ANKRD55: variants seen among roughly 807,000 people sequenced by gnomAD.
The protein encoded by ANKRD55 is ankyrin repeat domain 55, also known as ankyrin repeat domain-containing protein 55.
A neutral mutation model predicts 60.6 loss-of-function variants in ANKRD55; 41 were observed. That is an observed-to-expected ratio of 0.68 (90% confidence interval 0.53 to 0.88). ANKRD55 has a LOEUF of 0.88. Among genes scored for constraint, ANKRD55 ranks in the 40% least tolerant of loss-of-function variants. The pLI is 0.00. For synonymous variants in ANKRD55, 264 were observed against 290.3 expected, an observed-to-expected ratio of 0.91 and a Z score of 0.92; for missense variants, 732 against 767.6, an observed-to-expected ratio of 0.95 and a Z score of 0.55.
At chr5:56,127,272 C>T in intron 7 of ANKRD55, 166 bp from the exon 8 acceptor site, 1 of 972,400 alleles carries the variant, frequency 1.0e-6, no homozygotes, top group Non-Finnish European at 1.2e-6. Flanking sequence ...TACACTCTAT[C>T]TAAGCTCTCC....
intron 4 of ANKRD55, among the ~76,000 whole-genome samples, chr5:56,175,487 A>C (rs1392388339): frequency 6.6e-6 from 1 of 152,174 alleles, no homozygotes; most frequent in African/African-American, 2.4e-5. Context: ...GGATTGCAGG[A>C]AGAGTTTGAG....
At chr5:56,184,533 C>T (rs1758924988) in intron 2 of ANKRD55, among the ~76,000 whole-genome samples, 2 of 152,212 alleles carry the variant, frequency 1.3e-5, no homozygotes. Context: ...GAACTGTAGG[C>T]AACTCCTTTG....
chr5:56,145,398 T>C (rs1051073567), intron 6 of ANKRD55, among the ~76,000 whole-genome samples: 2 of 152,220 alleles, frequency 1.3e-5, no homozygotes, highest in African/African-American at 4.8e-5. Flanking sequence ...CTTCTTTTTT[T>C]CCTCATATAT....
chr5:56,158,964 G>A (rs945388799), intron 6 of ANKRD55, among the ~76,000 whole-genome samples: 11 of 152,150 alleles, frequency 7.2e-5, no homozygotes, highest in Non-Finnish European at 1.5e-5. Context: ...AGAGCACTGG[G>A]ATTACAGGCA....
At chr5:56,155,546 G>A (rs1400838756) in intron 6 of ANKRD55, among the ~76,000 whole-genome samples, 3 of 152,110 alleles carry the variant, frequency 2.0e-5, no homozygotes, top group Admixed American at 1.3e-4. Context: ...ATAACAACTC[G>A]GTCTCAGTTT....
intron 6 of ANKRD55, among the ~76,000 whole-genome samples, chr5:56,158,248 C>T (rs1183642670): frequency 2.6e-5 from 4 of 152,104 alleles, no homozygotes; most frequent in Non-Finnish European, 4.4e-5. Context: ...CTTACCCCCG[C>T]CCCCTTGCCT....
intron 2 of ANKRD55, 125 bp downstream of exon 2, chr5:56,232,731 C>T: frequency 1.1e-6 from 1 of 873,240 alleles, no homozygotes; most frequent in East Asian, 2.7e-5. Flanking sequence ...TACTCATGCA[C>T]ACCCACGCAC....
chr5:56,207,893 C>G (rs186226058), intron 2 of ANKRD55, among the ~76,000 whole-genome samples: 46 of 152,258 alleles, frequency 3.0e-4, no homozygotes, highest in African/African-American at 1.1e-3. Flanking sequence ...TTAATCTTAG[C>G]TTACTATAAC....
Position 56,222,181 on chromosome 5 carries a change from G to A in ANKRD55, c.58+10675C>T, listed in dbSNP as rs188108832. On this transcript the variant is annotated intron_variant, in intron 2 of 11. Coordinates refer to ENST00000341048, the MANE Select transcript of ANKRD55 (RefSeq NM_024669.3). ...GAAGGATCAGGAAGCAACATTCGCC[G>A]TTCTGCAATATTTGTGGTTCTGCAG... 1.1e-3 allele frequency among the ~76,000 whole-genome samples: 170 copies of A among 152,310 alleles called. 3 individuals are homozygous for A. In the Middle Eastern group the frequency reaches 0.027, roughly 24 times the overall value.
intron 10 of ANKRD55, among the ~76,000 whole-genome samples, chr5:56,106,803 C>T (rs1374742498): frequency 2.6e-5 from 4 of 151,826 alleles, no homozygotes; most frequent in Non-Finnish European, 5.9e-5. Context: ...GCCAGGGGTT[C>T]TAGACTAGTC....
chr5:56,233,050 C>T, intron 1 of ANKRD55, 104 bp from the exon 2 acceptor site: 1 of 754,080 alleles, frequency 1.3e-6, no homozygotes, highest in South Asian at 1.6e-5. Flanking sequence ...TGCATCAGAG[C>T]TGCAGGTTGT....
chr5:56,204,574 G>A (rs1759457761), intron 2 of ANKRD55, among the ~76,000 whole-genome samples: 1 of 152,134 alleles, frequency 6.6e-6, no homozygotes. Context: ...GCTGCCATGT[G>A]AAGAAGGATG....
chr5:56,224,242 G>A (rs1249591986), intron 2 of ANKRD55, among the ~76,000 whole-genome samples: 2 of 151,520 alleles, frequency 1.3e-5, no homozygotes, highest in East Asian at 3.9e-4. Context: ...TGACTACTGG[G>A]TACATAATGA....
chr5:56,140,113 T>C (rs1204966551), intron 7 of ANKRD55, among the ~76,000 whole-genome samples: 2 of 152,284 alleles, frequency 1.3e-5, no homozygotes, highest in African/African-American at 4.8e-5. Context: ...GTGATCTCAT[T>C]ATATGGTCCA....
At chr5:56,220,747 A>AG (rs1243000857) in intron 2 of ANKRD55, among the ~76,000 whole-genome samples, 1 of 152,168 alleles carries the variant, frequency 6.6e-6, no homozygotes, top group Non-Finnish European at 1.5e-5. Context: ...CAGGAGGCAG[A>AG]GGTTGCAGTG....
rs1481647438 is a variant in ANKRD55, at chr5:56,212,036, A to T, written c.58+20820T>A. ...TTAAAATTTATTTTCTAAGATTAGC[A>T]TAAACTGGTAAAGACACACACACAC... On this transcript the variant is annotated intron_variant, in intron 2 of 11. Transcript: ENST00000341048. Among the ~76,000 whole-genome samples the T allele has an allele frequency of 2.1e-5, 3 of 144,598 alleles. No homozygotes were observed. The East Asian group carries it at 6.4e-4, about 31-fold the overall frequency. The allele number at this position is 144,598 out of a possible 152,430, so 94.9% of individuals were successfully genotyped here. A position where few individuals can be genotyped will look rare whatever the true frequency, so the allele number is the denominator to read the frequency against.
In ANKRD55 at chr5:56,111,585, A is replaced by G. The variant is rs780714654; in HGVS notation, c.1163T>C (p.Ile388Thr). 2 of 1,606,414 alleles carry G rather than the reference A, an allele frequency of 1.2e-6. No individual in the cohort carries two copies. The highest frequency in any genetic ancestry group is 8.5e-7 in the Non-Finnish European group (1 of 1,176,632). Residue 388 changes from isoleucine to threonine, a missense_variant, in exon 10 of 12, where the codon ATC becomes ACC. Transcript: ENST00000341048. ...CTGTTCTTGGCAGTTGGTACCCACG[A>G]TGCTATCAAAGGTGGTGATGATGTC... Reference protein sequence around the residue: ...VNDIITTFDSIVGTNCQEQPG... With the variant: ...VNDIITTFDSTVGTNCQEQPG...
At chr5:56,156,157 T>C (rs766696307) in intron 6 of ANKRD55, among the ~76,000 whole-genome samples, 3 of 152,160 alleles carry the variant, frequency 2.0e-5, no homozygotes, top group East Asian at 3.9e-4. Context: ...GCATTAGCAG[T>C]TGGTTTCAGA....
chr5:56,127,366 AGGAT>A, intron 7 of ANKRD55: 1 of 985,274 alleles, frequency 1.0e-6, no homozygotes, highest in Non-Finnish European at 1.2e-6. Flanking sequence ...TAGTGAACGA[AGGAT>A]GGATTGAAAT....
Sources: gnomAD v4.1 joint callset for allele counts (sites outside exome capture counted in the v4.1 genomes callset) on GRCh38, gnomAD v4.1.1 for gene constraint, MANE v1.5 for transcripts, NCBI Gene and HGNC (gene_info 2026-07-23, HGNC 2026-07-21) for gene names.